The following PDE3A variants were observed in gnomAD, a reference collection of about 807,000 sequenced individuals.
PDE3A encodes phosphodiesterase 3A.
A neutral mutation model predicts 98.3 loss-of-function variants in PDE3A; 43 were observed. The observed-to-expected ratio is 0.44, with a 90% CI of 0.34 to 0.56. PDE3A has a LOEUF of 0.56. PDE3A is among the 20% of genes least tolerant of loss of function. PDE3A has a pLI of 0.01. For missense variants in PDE3A, 1,427 were observed against 1,440.7 expected, an observed-to-expected ratio of 0.99 and a Z score of 0.15; for synonymous variants, 663 against 567.9, an observed-to-expected ratio of 1.17 and a Z score of -2.38.
intron 1 of PDE3A, among the ~76,000 whole-genome samples, chr12:20,458,373 T>G (rs1163194246): frequency 6.6e-6 from 1 of 151,554 alleles, no homozygotes; most frequent in African/African-American, 2.4e-5. Context: ...ATATAAATAT[T>G]AAGCTTTCCA....
In PDE3A at chr12:20,639,873, G is replaced by T; in HGVS notation, c.2167G>T (p.Gly723Cys). The T allele has an allele frequency of 6.3e-7, 1 of 1,579,146 alleles. No individual in the cohort carries two copies. The highest frequency in any genetic ancestry group is 1.1e-5 in the South Asian group (1 of 90,234). Residue 723 changes from glycine to cysteine, a missense_variant, in exon 10 of 16, where the codon GGC becomes TGC. Transcript: ENST00000359062. ...QVSYRLFEDM[G>C]LFEAFKIPIR... The stretch of plus-strand genomic sequence containing the variant: ...ATCTTACAGACTTTTTGAAGACATG[G>T]GCCTCTTTGAAGCTTTTAAAATTCC...
In PDE3A at chr12:20,680,585, A is replaced by G. The variant is rs1565476836; in HGVS notation, c.*314A>G. 4.6e-6 allele frequency: 1 copy of G among 217,148 alleles called. No homozygotes were observed. The highest frequency in any genetic ancestry group is 2.3e-5 in the African/African-American group (1 of 43,724). The allele number at this position is 217,148 out of a possible 1,614,324, so 13.5% of individuals were successfully genotyped here. A position where few individuals can be genotyped will look rare whatever the true frequency, so the allele number is the denominator to read the frequency against. ...TATTCACACCCATGCACGCACACAC[A>G]TACACACTGAAGGCCACGATTGCTG... On this transcript the variant is annotated 3_prime_UTR_variant, in exon 16 of 16. Transcript: ENST00000359062.
intron 1 of PDE3A, among the ~76,000 whole-genome samples, chr12:20,547,185 CTACTGTACTTATATAAACT>C (rs72252280): frequency 0.031 from 4,769 of 152,058 alleles, 247 homozygotes; most frequent in African/African-American, 0.11. Flanking sequence ...CTTTTTCGAT[CTACTGTACTTATATAAACT>C]TACCTCTGCT....
chr12:20,477,311 C>T (rs1216175223), intron 1 of PDE3A, among the ~76,000 whole-genome samples: 4 of 152,216 alleles, frequency 2.6e-5, no homozygotes, highest in Non-Finnish European at 5.9e-5. Flanking sequence ...ACCATAAGTA[C>T]TTCTTTTTCC....
Position 20,629,916 on chromosome 12 carries a change from G to C in PDE3A, c.1549G>C (p.Ala517Pro). The C allele has an allele frequency of 6.2e-7, 1 of 1,612,796 alleles. No individual in the cohort carries two copies. Among genetic ancestry groups the C allele is most frequent in the Non-Finnish European group, 8.5e-7 (1 of 1,178,888 alleles). The stretch of plus-strand genomic sequence containing the variant: ...CTCTCATTCTTTCTCAGGTGCCCTC[G>C]CTAAAATTTCACCTCTTTCATCGCC... ...AKKQSRPGALAKISPLSSPCS... is the reference protein window; with the variant it reads ...AKKQSRPGALPKISPLSSPCS... Residue 517 changes from alanine (A) to proline (P), a missense_variant, in exon 6 of 16, where the codon GCT (alanine) becomes CCT (proline). Ala to Pro is a conservative substitution (Grantham distance 27). This residue lies in a region of PDE3A where 1,012 missense variants were observed against 886.5 expected (regional missense o/e 1.14). Transcript: ENST00000359062.
chr12:20,676,470 C>A (rs1282580111), intron 15 of PDE3A, among the ~76,000 whole-genome samples: 1 of 145,702 alleles, frequency 6.9e-6, no homozygotes, highest in African/African-American at 2.5e-5. Flanking sequence ...TTTTCTTTTG[C>A]TGTTTTTAGA....
chr12:20,445,717 G>A (rs1944942525), intron 1 of PDE3A, among the ~76,000 whole-genome samples: 1 of 152,124 alleles, frequency 6.6e-6, no homozygotes, highest in Non-Finnish European at 1.5e-5. Context: ...TCACTGTGTT[G>A]TTTATTGTTT....
At position 20,652,413 on chromosome 12, in the gene PDE3A, C is replaced by A. The variant is rs560670548; in HGVS notation, c.2926-1534C>A. 3.4e-3 allele frequency among the ~76,000 whole-genome samples: 511 copies of A among 152,234 alleles called. 2 individuals carry two copies. The highest frequency in any genetic ancestry group is 0.012 in the African/African-American group (482 of 41,554). On this transcript the variant is annotated intron_variant, in intron 14 of 15. Coordinates refer to ENST00000359062, the MANE Select transcript of PDE3A (RefSeq NM_000921.5). ...GTGTAAAAGTGTTCCTATTTCTCCA[C>A]ATCCTCTCCAGCACCTGTTGTTTCC...
intron 1 of PDE3A, among the ~76,000 whole-genome samples, chr12:20,523,976 T>G (rs1436201666): frequency 1.3e-5 from 2 of 152,166 alleles, no homozygotes; most frequent in Admixed American, 6.5e-5. Flanking sequence ...TTTCATATAT[T>G]TAACAAAAAT....
At position 20,449,993 on chromosome 12, in the gene PDE3A, T is replaced by C. The variant is rs912551861; in HGVS notation, c.960+79749T>C. 13 of 703,376 alleles carry C rather than the reference T, an allele frequency of 1.8e-5. No homozygotes were observed. The South Asian group carries it at 1.9e-4, about 10-fold the overall frequency. 43.6% of individuals were successfully genotyped at this position (703,376 alleles called of 1,614,324 possible). On this transcript the variant is annotated intron_variant, in intron 1 of 15. Coordinates refer to ENST00000359062, the MANE Select transcript of PDE3A (RefSeq NM_000921.5). ...TCAGGAACAATAAGCCCTTGCCAAGTCAATAAATTAGCTCCATCTACCTGG... is the reference window on the plus strand; with the variant it reads ...TCAGGAACAATAAGCCCTTGCCAAGCCAATAAATTAGCTCCATCTACCTGG...
At chr12:20,571,038 G>C (rs2066830448) in intron 2 of PDE3A, among the ~76,000 whole-genome samples, 1 of 152,134 alleles carries the variant, frequency 6.6e-6, no homozygotes, top group Admixed American at 6.6e-5. Context: ...TTCATGTTAT[G>C]ATAGCATCAG....
intron 1 of PDE3A, among the ~76,000 whole-genome samples, chr12:20,383,030 G>A (rs142758693): frequency 7.8e-4 from 119 of 152,054 alleles, no homozygotes; most frequent in Middle Eastern, 3.4e-3. Flanking sequence ...GCCAGATAAG[G>A]CAACAGTAGA....
intron 2 of PDE3A, among the ~76,000 whole-genome samples, chr12:20,563,999 T>TATCA (rs1290535821): frequency 1.3e-5 from 2 of 152,168 alleles, no homozygotes; most frequent in Non-Finnish European, 2.9e-5. Context: ...TTAGCAAATC[T>TATCA]ATCATAGTAG....
At chr12:20,569,475 G>C (rs556618920) in intron 2 of PDE3A, among the ~76,000 whole-genome samples, 1 of 152,088 alleles carries the variant, frequency 6.6e-6, no homozygotes, top group Non-Finnish European at 1.5e-5. Context: ...CCTGTTCGCA[G>C]CAGAATAGTT....
intron 1 of PDE3A, among the ~76,000 whole-genome samples, chr12:20,551,327 C>A (rs990473982): frequency 6.6e-6 from 1 of 151,964 alleles, no homozygotes. Flanking sequence ...AGATATTTTA[C>A]CAATGTGACA....
At chr12:20,670,063 A>G (rs1254011599) in intron 15 of PDE3A, among the ~76,000 whole-genome samples, 1 of 150,330 alleles carries the variant, frequency 6.7e-6, no homozygotes, top group Non-Finnish European at 1.5e-5. Flanking sequence ...CTCTGATAAA[A>G]CAGACTTTAA....
intron 2 of PDE3A, among the ~76,000 whole-genome samples, chr12:20,573,906 A>C (rs1942865559): frequency 6.6e-6 from 1 of 152,062 alleles, no homozygotes; most frequent in African/African-American, 2.4e-5. Flanking sequence ...GAAAACAAAA[A>C]CATTTCAGAA....
At chr12:20,573,867 G>A (rs1405639163) in intron 2 of PDE3A, among the ~76,000 whole-genome samples, 1 of 151,996 alleles carries the variant, frequency 6.6e-6, no homozygotes, top group Non-Finnish European at 1.5e-5. Flanking sequence ...CGAGTAGTGG[G>A]TTTTCCAAAC....
intron 15 of PDE3A, among the ~76,000 whole-genome samples, chr12:20,677,952 G>C (rs566764581): frequency 6.6e-5 from 10 of 151,276 alleles, no homozygotes; most frequent in Non-Finnish European, 1.5e-4. Context: ...AATTTTGCTG[G>C]GGACAGGGAT....
Sources: allele counts gnomAD v4.1 joint callset (sites outside exome capture counted in the v4.1 genomes callset), GRCh38; gene constraint gnomAD v4.1.1; regional missense constraint gnomAD v4.1.1; transcripts MANE v1.5; gene names NCBI Gene and HGNC (gene_info 2026-07-23, HGNC 2026-07-21).